The following LIPC variants were observed in gnomAD, a reference collection of about 807,000 sequenced individuals.
LIPC encodes lipase C, hepatic type.
A neutral mutation model predicts 50.7 loss-of-function variants in LIPC; 44 were observed. That is an observed-to-expected ratio of 0.87 (90% CI 0.68 to 1.11). LIPC has a LOEUF of 1.11. LIPC is among the 50% of genes most tolerant of loss of function. The pLI is 0.00. For synonymous variants in LIPC, 271 were observed against 256.4 expected (o/e 1.06, Z -0.54); for missense variants, 697 against 648.2 (o/e 1.08, Z -0.82).
chr15:58,537,293 G>C (rs1326752004), intron 1 of LIPC, among the ~76,000 whole-genome samples: 2 of 152,240 alleles, frequency 1.3e-5, no homozygotes, highest in African/African-American at 4.8e-5. Context: ...GCCTGGCAGA[G>C]TTGGATGGCC....
intron 6 of LIPC, among the ~76,000 whole-genome samples, chr15:58,555,300 G>T (rs1459524043): frequency 1.3e-5 from 2 of 152,190 alleles, no homozygotes; most frequent in Non-Finnish European, 2.9e-5. Context: ...ACGTTTAGGG[G>T]ACAGGAGAGC....
At position 58,529,926 on chromosome 15, in the gene LIPC, A is replaced by G. The variant is rs561025442; in HGVS notation, c.89-8407A>G. On this transcript the variant is annotated intron_variant, in intron 1 of 8. Transcript: ENST00000299022. ...AGTGGGAGAAGGGCATCGCCCAGCTATTTTCCAACACATCGTAAAAGATAT... is the reference window on the plus strand; with the variant it reads ...AGTGGGAGAAGGGCATCGCCCAGCTGTTTTCCAACACATCGTAAAAGATAT... Among the ~76,000 whole-genome samples, 176 of 152,272 alleles carry G rather than the reference A, an allele frequency of 1.2e-3. 4 individuals are homozygous for G. In the South Asian group the frequency reaches 0.032, roughly 27 times the overall value.
chr15:58,510,222 T>C (rs1422055589), intron 1 of LIPC, among the ~76,000 whole-genome samples: 6 of 152,226 alleles, frequency 3.9e-5, no homozygotes, highest in African/African-American at 9.6e-5. Flanking sequence ...TAAGGTCCAC[T>C]GTTGTTCCTA....
intron 1 of LIPC, among the ~76,000 whole-genome samples, chr15:58,441,051 C>G (rs1893491172): frequency 6.6e-6 from 1 of 152,174 alleles, no homozygotes; most frequent in Admixed American, 6.5e-5. Context: ...GATTGATAGA[C>G]TTATCTCAGC....
At chr15:58,464,203 G>A (rs973398972) in intron 1 of LIPC, among the ~76,000 whole-genome samples, 11 of 152,108 alleles carry the variant, frequency 7.2e-5, no homozygotes, top group African/African-American at 2.7e-4. Flanking sequence ...TGTGGTCTTT[G>A]TGGTGACTTT....
At position 58,432,342 on chromosome 15, in the gene LIPC, G is replaced by A. The variant is rs1375932472; in HGVS notation, c.88+222G>A. The A allele has an allele frequency of 4.1e-5, 24 of 584,448 alleles. No individual in the cohort carries two copies. In the Admixed American group the frequency reaches 6.7e-4, roughly 16 times the overall value. 36.2% of individuals were successfully genotyped at this position (584,448 alleles called of 1,614,324 possible). A position where few individuals can be genotyped will look rare whatever the true frequency, so the allele number is the denominator to read the frequency against. ...CTCGGATTAAAAGTCTTCTAAGAGTGCCTGCAGCTAGCAGTGAAGTCTCTT... is the reference window on the plus strand; with the variant it reads ...CTCGGATTAAAAGTCTTCTAAGAGTACCTGCAGCTAGCAGTGAAGTCTCTT... On this transcript the variant is annotated intron_variant, in intron 1 of 8. Coordinates refer to ENST00000299022, the MANE Select transcript of LIPC (RefSeq NM_000236.3).
chr15:58,533,435 G>C (rs552958850), intron 1 of LIPC, among the ~76,000 whole-genome samples: 1 of 152,146 alleles, frequency 6.6e-6, no homozygotes, highest in Non-Finnish European at 1.5e-5. Flanking sequence ...AGGATCACAC[G>C]TAAGGAACTG....
chr15:58,543,478 C>A (rs1893410129), intron 4 of LIPC, among the ~76,000 whole-genome samples: 1 of 152,110 alleles, frequency 6.6e-6, no homozygotes, highest in African/African-American at 2.4e-5. Context: ...TGCCTCTGGG[C>A]CTTTGCATGC....
chr15:58,498,730 G>C (rs1891865092), intron 1 of LIPC: 1 of 152,202 alleles, frequency 6.6e-6, no homozygotes, highest in African/African-American at 2.4e-5. Flanking sequence ...ATCTGATACT[G>C]TGGAAGAAGC....
chr15:58,519,416 A>AAG (rs1159495263), intron 1 of LIPC, among the ~76,000 whole-genome samples: 3 of 146,918 alleles, frequency 2.0e-5, no homozygotes, highest in Non-Finnish European at 4.4e-5. Flanking sequence ...GTCTCAAAAA[A>AAG]AAAAAAAAGA....
chr15:58,468,890 G>A (rs1206870279), intron 1 of LIPC, among the ~76,000 whole-genome samples: 3 of 152,078 alleles, frequency 2.0e-5, no homozygotes, highest in African/African-American at 7.2e-5. Flanking sequence ...TATGAACCTT[G>A]GACACTCTGG....
At position 58,552,592 on chromosome 15, in the gene LIPC, G is replaced by C. The variant is rs545905503; in HGVS notation, c.1051+4020G>C. Among the ~76,000 whole-genome samples, 6 of 152,320 alleles carry C rather than the reference G, an allele frequency of 3.9e-5. No homozygotes were observed. The South Asian group carries it at 1.2e-3, about 32-fold the overall frequency. On this transcript the variant is annotated intron_variant, in intron 6 of 8. Transcript: ENST00000299022. ...CAGGCTCCCTGGGTCGGGGGTGAGG[G>C]GCACTTGCTTCTGCTGCTCGCCGCA... is the stretch of plus-strand genomic sequence containing the variant.
chr15:58,464,582 A>C (rs1465100554), intron 1 of LIPC, among the ~76,000 whole-genome samples: 1 of 152,246 alleles, frequency 6.6e-6, no homozygotes, highest in African/African-American at 2.4e-5. Flanking sequence ...TAACTTGGGT[A>C]GTAGCCAATT....
At chr15:58,560,113 C>T (rs1203012993) in intron 6 of LIPC, among the ~76,000 whole-genome samples, 1 of 152,176 alleles carries the variant, frequency 6.6e-6, no homozygotes, top group Non-Finnish European at 1.5e-5. Flanking sequence ...TTAACGATGC[C>T]ATGTATTTAA....
intron 1 of LIPC, among the ~76,000 whole-genome samples, chr15:58,470,597 C>CTTTTTTTTTTTTTT (rs5812936): frequency 7.3e-6 from 1 of 136,304 alleles, no homozygotes; most frequent in African/African-American, 2.7e-5. Context: ...CATTTAACTC[C>CTTTTTTTTTTTTTT]TTTTTTTTTT....
In LIPC at chr15:58,455,195, G is replaced by A. The variant is rs528927292; in HGVS notation, c.88+23075G>A. On this transcript the variant is annotated intron_variant, in intron 1 of 8. Transcript: ENST00000299022. Reference sequence around the variant, plus strand: ...TGTATTGTTTTGTTGACTGTGTAAAGCAAGGTTCAGCAAACTTTTCTCTGT... The same window carrying A: ...TGTATTGTTTTGTTGACTGTGTAAAACAAGGTTCAGCAAACTTTTCTCTGT... 1.5e-3 allele frequency among the ~76,000 whole-genome samples: 235 copies of A among 152,314 alleles called. 3 individuals carry two copies. Among genetic ancestry groups the A allele is most frequent in the Middle Eastern group, 6.8e-3 (2 of 294 alleles).
chr15:58,536,658 G>C (rs1893133651), intron 1 of LIPC, among the ~76,000 whole-genome samples: 1 of 152,164 alleles, frequency 6.6e-6, no homozygotes, highest in Non-Finnish European at 1.5e-5. Flanking sequence ...AGGCTTCCAG[G>C]AGTGAGGGCA....
At chr15:58,523,383 A>G (rs56797499) in intron 1 of LIPC, 97,499 of 151,564 alleles carry the variant, frequency 0.64, 32,628 homozygotes, top group South Asian at 0.78. Flanking sequence ...GGCCACTAGG[A>G]CCCAAGTCGG....
At chr15:58,476,623 G>A (rs11634902) in intron 1 of LIPC, among the ~76,000 whole-genome samples, 17,750 of 152,274 alleles carry the variant, frequency 0.12, 1,170 homozygotes, top group Non-Finnish European at 0.16. Context: ...TGCCGGCTGC[G>A]TTCCAAATGA....
Sources: gnomAD v4.1 joint callset for allele counts (sites outside exome capture counted in the v4.1 genomes callset) on GRCh38, gnomAD v4.1.1 for gene constraint, MANE v1.5 for transcripts, NCBI Gene and HGNC (gene_info 2026-07-23, HGNC 2026-07-21) for gene names.